Variants in ENTPD5 observed in about 807,000 individuals in gnomAD.
ENTPD5 encodes nucleoside diphosphate phosphatase ENTPD5.
ENTPD5 carries 49 observed loss-of-function variants against 60.2 expected under a neutral mutation model. That is an observed-to-expected ratio of 0.81 (90% CI 0.65 to 1.03). ENTPD5 has a LOEUF of 1.03. ENTPD5 is among the 50% of genes least tolerant of loss of function. The probability of loss-of-function intolerance (pLI) is 0.00; values close to 1 mark genes in which losing one functional copy is unlikely to be tolerated. For synonymous variants in ENTPD5, 187 were observed against 185.4 expected (o/e 1.01, Z -0.07); for missense variants, 480 against 507.6 (o/e 0.95, Z 0.52).
At position 73,971,881 on chromosome 14, in the gene ENTPD5, A is replaced by T; in HGVS notation, c.1055T>A (p.Val352Asp). The T allele has an allele frequency of 6.2e-7, 1 of 1,606,180 alleles. No homozygotes were observed. Among genetic ancestry groups the T allele is most frequent in the Non-Finnish European group, 8.5e-7 (1 of 1,172,778 alleles). ...CCTGGCTTTTCTTTCAAAATCTTCA[A>T]CTTTTAAAATACCCCCCTTTTCATA... ...IDYEKGGILK[V>D]EDFERKAREV... The change falls in exon 14 of 16, where the codon GTT becomes GAT. Residue 352 changes from valine (V) to aspartate (D), a missense_variant. Transcript: ENST00000334696.
downstream of ENTPD5, chr14:73,963,149 C>T: frequency 1.4e-6 from 1 of 738,542 alleles, no homozygotes; most frequent in South Asian, 1.6e-5. Flanking sequence ...GCCTGTGGCA[C>T]CCAAATAATG....
chr14:73,959,262 C>G, downstream of ENTPD5: 1 of 1,614,210 alleles, frequency 6.2e-7, no homozygotes, highest in Non-Finnish European at 8.5e-7. Flanking sequence ...CACATGCATG[C>G]AAGCCTTTCC....
intron 6 of ENTPD5, among the ~76,000 whole-genome samples, chr14:73,982,519 G>C (rs1397268408): frequency 6.6e-6 from 1 of 152,132 alleles, no homozygotes; most frequent in Admixed American, 6.5e-5. Context: ...CACTTTGGGA[G>C]GCTGAGGCGG....
chr14:73,959,043 C>T (rs1421817553), downstream of ENTPD5: 3 of 1,614,056 alleles, frequency 1.9e-6, no homozygotes, highest in East Asian at 6.7e-5. Context: ...GAACTATGAC[C>T]AGTCTGCTGT....
intron 15 of ENTPD5, among the ~76,000 whole-genome samples, chr14:73,968,129 G>A (rs2057065597): frequency 6.6e-6 from 1 of 151,786 alleles, no homozygotes; most frequent in Admixed American, 6.6e-5. Context: ...GGTCTCAAAA[G>A]AAAAAGAAAA....
chr14:73,973,535 C>A (rs150906173), intron 12 of ENTPD5, among the ~76,000 whole-genome samples: 75 of 152,272 alleles, frequency 4.9e-4, no homozygotes, highest in African/African-American at 1.8e-3. Flanking sequence ...CTCCCTGTTG[C>A]CCAGGCTGGA....
rs748279577 is a variant in ENTPD5 at position 73,983,110 on chromosome 14, G to A, written c.349C>T (p.Arg117Ter). ...ACTGGGGTCTTTTTCCAGTGACTTCGGGGGATTGAGTCTTTGGCCACCTCT... is the reference window on the plus strand; with the variant it reads ...ACTGGGGTCTTTTTCCAGTGACTTCAGGGGATTGAGTCTTTGGCCACCTCT... The part of the protein sequence containing the change: ...LLEVAKDSIP[R>*]SHWKKTPVVL... Residue 117 changes from arginine to a stop codon, truncating the protein, a stop_gained, in exon 6 of 16, where the codon CGA becomes TGA. Coordinates refer to ENST00000334696, the MANE Select transcript of ENTPD5 (RefSeq NM_001249.5). LOFTEE classifies it high-confidence loss of function. The A allele has an allele frequency of 7.4e-6, 12 of 1,613,952 alleles. No individual in the cohort carries two copies. Among genetic ancestry groups the A allele is most frequent in the South Asian group, 4.4e-5 (4 of 91,072 alleles).
rs1394267602 is a variant in ENTPD5, at chr14:73,972,960, C to A, written c.951G>T (p.Gln317His). ...AGGAACCTCTCTGGACCTCCTCTGG[C>A]TGGTGAAGTTTTCCTCGTACCACCC... Reference protein sequence around the residue: ...VLRVVRGKLHQPEEVQRGSFY... With the variant: ...VLRVVRGKLHHPEEVQRGSFY... The change falls in exon 13 of 16, where the codon CAG becomes CAT. Residue 317 changes from glutamine (Q) to histidine (H), a missense_variant. Physicochemically the swap from Gln to His is conservative, Grantham distance 24. Coordinates refer to ENST00000334696, the MANE Select transcript of ENTPD5 (RefSeq NM_001249.5). 1 of 1,614,208 alleles carries A rather than the reference C, an allele frequency of 6.2e-7. No individual in the cohort carries two copies. The highest frequency in any genetic ancestry group is 8.5e-7 in the Non-Finnish European group (1 of 1,180,042).
intron 5 of ENTPD5, among the ~76,000 whole-genome samples, chr14:73,985,321 T>C (rs1221911822): frequency 6.6e-6 from 1 of 152,194 alleles, no homozygotes; most frequent in African/African-American, 2.4e-5. Flanking sequence ...CACCACGCTG[T>C]CTTCCACAAT....
intron 6 of ENTPD5, among the ~76,000 whole-genome samples, chr14:73,978,017 G>T (rs1052229504): frequency 2.0e-5 from 3 of 152,158 alleles, no homozygotes; most frequent in Non-Finnish European, 4.4e-5. Flanking sequence ...AAAGAAAAAA[G>T]AATTCTCCAA....
downstream of ENTPD5, chr14:73,961,473 C>T: frequency 6.2e-7 from 1 of 1,614,206 alleles, no homozygotes; most frequent in South Asian, 1.1e-5. Context: ...CCCACAGAGT[C>T]CATCCGCTTG....
intron 11 of ENTPD5, among the ~76,000 whole-genome samples, chr14:73,974,575 C>T (rs958735902): frequency 6.6e-6 from 1 of 152,184 alleles, no homozygotes; most frequent in East Asian, 1.9e-4. Context: ...GCATGTAGAA[C>T]AGACTCTGCT....
chr14:74,006,500 G>A (rs1293080217), intron 3 of ENTPD5, among the ~76,000 whole-genome samples: 1 of 151,356 alleles, frequency 6.6e-6, no homozygotes, highest in Admixed American at 6.6e-5. Flanking sequence ...AGCCAGGATG[G>A]TCTCGATCTC....
intron 3 of ENTPD5, among the ~76,000 whole-genome samples, chr14:74,008,386 C>CT (rs777210586): frequency 1.5e-4 from 22 of 150,650 alleles, no homozygotes; most frequent in Middle Eastern, 3.4e-3. Flanking sequence ...TTTATTTTTT[C>CT]TTTTTTCTTT....
chr14:73,973,844 C>T (rs187439552), intron 12 of ENTPD5, 33 bp downstream of exon 12: 124 of 1,577,934 alleles, frequency 7.9e-5, no homozygotes, highest in South Asian at 4.1e-4. Context: ...CCATTGTAAA[C>T]GTAACTTTAA....
chr14:73,977,078 A>T lies in ENTPD5; in HGVS notation c.518-19T>A, dbSNP rs1336398237. 6.2e-7 allele frequency: 1 copy of T among 1,612,090 alleles called. No individual in the cohort carries two copies. On this transcript the variant is annotated intron_variant, in intron 7 of 15. Coordinates refer to ENST00000334696, the MANE Select transcript of ENTPD5 (RefSeq NM_001249.5). ...AATATGCCTAAAAAGAAAGAAAGAC[A>T]AGGATTAGATCCCAGAGCATTTTTT...
intron 6 of ENTPD5, among the ~76,000 whole-genome samples, chr14:73,977,685 T>C (rs1376131255): frequency 6.6e-6 from 1 of 152,204 alleles, no homozygotes; most frequent in Non-Finnish European, 1.5e-5. Context: ...ATCAGGATCC[T>C]GTAACTTTTT....
At chr14:73,978,727 A>G (rs1043165790) in intron 6 of ENTPD5, among the ~76,000 whole-genome samples, 1 of 152,056 alleles carries the variant, frequency 6.6e-6, no homozygotes, top group African/African-American at 2.4e-5. Flanking sequence ...CCTGACCAAC[A>G]TGGTGAAAAC....
In ENTPD5 at chr14:73,972,864, G is replaced by A. The variant is rs568306308; in HGVS notation, c.1027+20C>T. 6.2e-7 allele frequency: 1 copy of A among 1,613,088 alleles called. No individual in the cohort carries two copies. Among genetic ancestry groups the A allele is most frequent in the Admixed American group, 1.7e-5 (1 of 59,956 alleles). On this transcript the variant is annotated intron_variant, in intron 13 of 15. Transcript: ENST00000334696. The stretch of plus-strand genomic sequence containing the variant: ...CCCTATCCACCTTCCTCTCTGGACT[G>A]ACACCTGGGGTGAACTCACCAATCA...
Sources: allele counts gnomAD v4.1 joint callset (sites outside exome capture counted in the v4.1 genomes callset), GRCh38; gene constraint gnomAD v4.1.1; transcripts MANE v1.5; gene names NCBI Gene and HGNC (gene_info 2026-07-23, HGNC 2026-07-21).